XCL2: variants seen among roughly 807,000 people sequenced by gnomAD.
XCL2 encodes the protein X-C motif chemokine ligand 2, also known as cytokine SCM-1 beta.
A neutral mutation model predicts 7.2 loss-of-function variants in XCL2; 8 were observed. The ratio of observed to expected loss-of-function variants is 1.10; its 90% CI spans 0.65 to 1.99. The LOEUF is 1.99. Among genes scored for constraint, XCL2 ranks in the 30% most tolerant of loss-of-function variants. XCL2 has a pLI of 0.00. For synonymous variants in XCL2, 46 were observed against 54.2 expected, an observed-to-expected ratio of 0.85 and a Z score of 0.67; for missense variants, 131 against 138.6, an observed-to-expected ratio of 0.94 and a Z score of 0.28.
chr1:168,542,678 A>C (rs1477792928), intron 1 of XCL2: 2 of 162,052 alleles, frequency 1.2e-5, no homozygotes, highest in African/African-American at 4.8e-5. Context: ...TGAGTAAATA[A>C]AGGTGTTCCC....
intron 1 of XCL2, among the ~76,000 whole-genome samples, chr1:168,543,655 T>C (rs182600814): frequency 3.6e-4 from 52 of 144,924 alleles, no homozygotes; most frequent in African/African-American, 1.2e-3. Flanking sequence ...CCCTGAGTGG[T>C]TAAGGAATTT....
At position 168,540,987 on chromosome 1, in the gene XCL2, G is replaced by T. The variant is rs1187836482; in HGVS notation, c.310C>A (p.Gln104Lys). The change falls in exon 3 of 3, where the codon CAA becomes AAA. Residue 104 changes from glutamine to lysine, a missense_variant. Coordinates refer to ENST00000367819, the MANE Select transcript of XCL2 (RefSeq NM_003175.4). ...AGGGTCACAGCTGTATTGGTCGATT[G>T]CTGGGTTCCTGTTGGCTTGGTCTGG... Reference protein sequence around the residue: ...MIQTKPTGTQQSTNTAVTLTG With the variant: ...MIQTKPTGTQKSTNTAVTLTG The T allele has an allele frequency of 1.2e-6, 2 of 1,613,654 alleles. No individual in the cohort carries two copies. Among genetic ancestry groups the T allele is most frequent in the South Asian group, 1.1e-5 (1 of 91,068 alleles).
chr1:168,543,798 C>T lies in XCL2; in HGVS notation c.61+106G>A, dbSNP rs188067894. ...TGCACATGGGAAGTTTAAGGCTCCC[C>T]TGGAGACAGCAGTTTAGTCCAGTCA... On this transcript the variant is annotated intron_variant, in intron 1 of 2. Coordinates refer to ENST00000367819, the MANE Select transcript of XCL2 (RefSeq NM_003175.4). The T allele has an allele frequency of 9.1e-6, 14 of 1,545,578 alleles. No homozygotes were observed. In the East Asian group the frequency reaches 3.2e-4, roughly 35 times the overall value.
intron 1 of XCL2, 52 bp from the exon 2 acceptor site, chr1:168,542,159 A>T (rs1654301665): frequency 1.4e-6 from 2 of 1,411,884 alleles, no homozygotes; most frequent in Non-Finnish European, 1.9e-6. Flanking sequence ...AATTACCCAG[A>T]TCACAGGAAC....
intron 1 of XCL2, among the ~76,000 whole-genome samples, chr1:168,543,519 T>C (rs1654336958): frequency 6.6e-6 from 1 of 150,876 alleles, no homozygotes; most frequent in Non-Finnish European, 1.5e-5. Context: ...ATAGCTAACA[T>C]TAATCAAAAA....
At chr1:168,541,366 A>G (rs909631030) in intron 2 of XCL2, among the ~76,000 whole-genome samples, 7 of 152,152 alleles carry the variant, frequency 4.6e-5, no homozygotes, top group African/African-American at 1.7e-4. Context: ...TTTCTCATCC[A>G]TGTCACCAAA....
chr1:168,542,072 C>A lies in XCL2; in HGVS notation c.97G>T (p.Val33Leu). ...GGCAGTCGCTGGGTAGTGAGGCTCA[C>A]ACAGGTCCTCCTATGTGAGACTTCA... ...GSEVSHRRTC[V>L]SLTTQRLPVS... Residue 33 changes from valine (V) to leucine (L), a missense_variant, in exon 2 of 3, where the codon GTG (valine) becomes TTG (leucine). Physicochemically the swap from Val to Leu is conservative, Grantham distance 32. Transcript: ENST00000367819. The A allele has an allele frequency of 2.6e-6, 4 of 1,557,566 alleles. No individual in the cohort carries two copies. Among genetic ancestry groups the A allele is most frequent in the Non-Finnish European group, 3.5e-6 (4 of 1,144,780 alleles).
intron 1 of XCL2, among the ~76,000 whole-genome samples, chr1:168,543,673 A>C (rs747905143): frequency 2.7e-5 from 4 of 147,708 alleles, no homozygotes; most frequent in Non-Finnish European, 6.0e-5. Flanking sequence ...TTTACCTGAA[A>C]TTACCCAATT....
At chr1:168,542,843 T>C in intron 1 of XCL2, 1 of 179,970 alleles carries the variant, frequency 5.6e-6, no homozygotes, top group African/African-American at 2.4e-5. Context: ...GGCCTAAGAG[T>C]TTTCTTAGGC....
intron 2 of XCL2, 146 bp from the exon 3 acceptor site, chr1:168,541,266 C>T (rs200826337): frequency 0.086 from 95,653 of 1,118,194 alleles, 5,104 homozygotes; most frequent in Middle Eastern, 0.15. Flanking sequence ...CATAAATGAG[C>T]ACCCTTCTTC....
At position 168,541,107 on chromosome 1, in the gene XCL2, G is replaced by A. The variant is rs536437816; in HGVS notation, c.190C>T (p.Arg64Cys). 1.7e-5 allele frequency: 27 copies of A among 1,613,520 alleles called. No homozygotes were observed. Among genetic ancestry groups the A allele is most frequent in the South Asian group, 3.3e-5 (3 of 91,060 alleles). ...GGATCAGCACAGACTTTTAGGCCACGTTTGGTAATAAAACTGTAACGCAAG... is the reference window on the plus strand; with the variant it reads ...GGATCAGCACAGACTTTTAGGCCACATTTGGTAATAAAACTGTAACGCAAG... ...SLRAVIFITKRGLKVCADPQA... is the reference protein window; with the variant it reads ...SLRAVIFITKCGLKVCADPQA... The change falls in exon 3 of 3, where the codon CGT (arginine) becomes TGT (cysteine). Residue 64 changes from arginine (R) to cysteine (C), a missense_variant. Arg to Cys is a radical substitution (Grantham distance 180, BLOSUM62 -3). Transcript: ENST00000367819.
chr1:168,541,273 C>T (rs1415679586), intron 2 of XCL2, among the ~76,000 whole-genome samples, 153 bp from the exon 3 acceptor site: 1 of 152,162 alleles, frequency 6.6e-6, no homozygotes, highest in East Asian at 1.9e-4. Context: ...GAGCACCCTT[C>T]TTCTGCCATC....
Position 168,542,055 on chromosome 1 carries a change from C to G in XCL2, c.114G>C (p.Gln38His). 1.3e-6 allele frequency: 2 copies of G among 1,589,296 alleles called. No homozygotes were observed. The highest frequency in any genetic ancestry group is 1.7e-6 in the Non-Finnish European group (2 of 1,165,298). ...HRRTCVSLTT[Q>H]RLPVSRIKTY... The stretch of plus-strand genomic sequence containing the variant: ...TCTTGATTCTGCTAACTGGCAGTCG[C>G]TGGGTAGTGAGGCTCACACAGGTCC... The change falls in exon 2 of 3, where the codon CAG becomes CAC. Residue 38 changes from glutamine to histidine, a missense_variant. Gln to His is a conservative substitution (Grantham distance 24, BLOSUM62 0). Coordinates refer to ENST00000367819, the MANE Select transcript of XCL2 (RefSeq NM_003175.4).
intron 1 of XCL2, chr1:168,543,050 G>C (rs1654324278): frequency 5.3e-6 from 2 of 379,136 alleles, no homozygotes; most frequent in Non-Finnish European, 1.0e-5. Flanking sequence ...GTACTGACCA[G>C]AGACAAAGCA....
chr1:168,543,510 T>C (rs377353409), intron 1 of XCL2, among the ~76,000 whole-genome samples: 3 of 151,328 alleles, frequency 2.0e-5, no homozygotes, highest in East Asian at 4.0e-4. Context: ...CTCTAATCCA[T>C]AGCTAACATT....
At chr1:168,543,262 TA>T in intron 1 of XCL2, 1 of 207,248 alleles carries the variant, frequency 4.8e-6, no homozygotes, top group Non-Finnish European at 9.7e-6. Context: ...TCCTGCGTCC[TA>T]AAATGGGGGT....
intron 1 of XCL2, 118 bp from the exon 2 acceptor site, chr1:168,542,225 T>C: frequency 2.4e-6 from 2 of 833,854 alleles, no homozygotes; most frequent in Non-Finnish European, 1.7e-6. Context: ...CATTTGCTTT[T>C]TGGGGGAAGA....
At chr1:168,542,426 G>A (rs981313592) in intron 1 of XCL2, among the ~76,000 whole-genome samples, 5 of 152,120 alleles carry the variant, frequency 3.3e-5, no homozygotes, top group South Asian at 2.1e-4. Context: ...CCAGTGACAC[G>A]CATTCATTCA....
At chr1:168,542,161 C>G (rs1299429461) in intron 1 of XCL2, 54 bp from the exon 2 acceptor site, 2 of 1,402,982 alleles carry the variant, frequency 1.4e-6, no homozygotes, top group Non-Finnish European at 1.9e-6. Context: ...TTACCCAGAT[C>G]ACAGGAACAA....
Sources: gnomAD v4.1 joint callset for allele counts (sites outside exome capture counted in the v4.1 genomes callset) on GRCh38, gnomAD v4.1.1 for gene constraint, MANE v1.5 for transcripts, NCBI Gene and HGNC (gene_info 2026-07-23, HGNC 2026-07-21) for gene names.